ARHGAP32: variants seen among roughly 807,000 people sequenced by gnomAD.
ARHGAP32 encodes the protein Rho GTPase activating protein 32.
A neutral mutation model predicts 186.5 loss-of-function variants in ARHGAP32; 51 were observed. That is an observed-to-expected ratio of 0.27 (90% CI 0.22 to 0.35). The LOEUF (loss-of-function observed/expected upper bound fraction) is 0.35. Among genes scored for constraint, ARHGAP32 ranks in the 10% least tolerant of loss-of-function variants. ARHGAP32 has a pLI of 1.00. For synonymous variants in ARHGAP32, 950 were observed against 964.3 expected (o/e 0.99, Z 0.27); for missense variants, 2,186 against 2,623.5 (o/e 0.83, Z 3.64).
At chr11:129,138,432 T>C (rs1942983560) in intron 2 of ARHGAP32, among the ~76,000 whole-genome samples, 1 of 152,100 alleles carries the variant, frequency 6.6e-6, no homozygotes, top group Non-Finnish European at 1.5e-5. Context: ...AAAATACAAT[T>C]TGATATGGAA....
chr11:129,037,527 TA>T (rs1285801372), intron 11 of ARHGAP32, among the ~76,000 whole-genome samples: 2 of 151,840 alleles, frequency 1.3e-5, no homozygotes, highest in Admixed American at 6.6e-5. Flanking sequence ...AAAGAATATC[TA>T]AATAAATGAA....
chr11:129,092,874 C>G (rs75476828), intron 6 of ARHGAP32, among the ~76,000 whole-genome samples: 5,284 of 151,980 alleles, frequency 0.035, 301 homozygotes, highest in African/African-American at 0.12. Context: ...CTCCTAAATG[C>G]TTTCTTTACA....
chr11:128,973,777 G>T, intron 21 of ARHGAP32: 1 of 506,906 alleles, frequency 2.0e-6, no homozygotes, highest in Non-Finnish European at 3.4e-6. Flanking sequence ...ACATTTGATG[G>T]TGTAGCTGGC....
intron 1 of ARHGAP32, among the ~76,000 whole-genome samples, chr11:129,216,669 T>TAAAAAA (rs201308944): frequency 4.2e-4 from 50 of 119,084 alleles, no homozygotes; most frequent in African/African-American, 1.4e-3. Context: ...AGACTGTCTT[T>TAAAAAA]AAAAAAAAAA....
At chr11:129,221,259 A>C (rs898848741) in intron 1 of ARHGAP32, among the ~76,000 whole-genome samples, 2 of 152,186 alleles carry the variant, frequency 1.3e-5, no homozygotes, top group African/African-American at 4.8e-5. Context: ...TCTAGCAAAG[A>C]CAATAATAAG....
intron 5 of ARHGAP32, among the ~76,000 whole-genome samples, chr11:129,103,260 T>G (rs1035002623): frequency 6.6e-6 from 1 of 151,914 alleles, no homozygotes; most frequent in Non-Finnish European, 1.5e-5. Flanking sequence ...ATGCGAAAAA[T>G]GATTTTTTGT....
intron 2 of ARHGAP32, among the ~76,000 whole-genome samples, chr11:129,131,135 T>C (rs987960418): frequency 6.6e-6 from 1 of 152,042 alleles, no homozygotes; most frequent in Non-Finnish European, 1.5e-5. Context: ...GGTAAAATTA[T>C]TCATAGAAAT....
At chr11:129,126,832 T>C (rs187293102) in intron 2 of ARHGAP32, among the ~76,000 whole-genome samples, 6 of 152,218 alleles carry the variant, frequency 3.9e-5, no homozygotes, top group East Asian at 1.9e-4. Flanking sequence ...CTGGATCACC[T>C]GGTTTTGCCA....
chr11:129,008,130 T>C (rs1937883055), intron 11 of ARHGAP32, among the ~76,000 whole-genome samples: 1 of 152,092 alleles, frequency 6.6e-6, no homozygotes. Context: ...TTTAAGACTG[T>C]TTTTCTTACC....
At chr11:129,036,620 T>C (rs1447218016) in intron 11 of ARHGAP32, among the ~76,000 whole-genome samples, 1 of 152,148 alleles carries the variant, frequency 6.6e-6, no homozygotes, top group Non-Finnish European at 1.5e-5. Flanking sequence ...TTCAAAATAA[T>C]GACCATAAAA....
chr11:129,191,982 A>G (rs1944279535), intron 1 of ARHGAP32, 101 bp downstream of exon 1: 6 of 863,800 alleles, frequency 6.9e-6, no homozygotes, highest in Non-Finnish European at 1.9e-6. Flanking sequence ...CAGAAAACAG[A>G]AAGTCTTATT....
chr11:129,150,115 A>G (rs1039187387), intron 2 of ARHGAP32, among the ~76,000 whole-genome samples: 8 of 101,194 alleles, frequency 7.9e-5, no homozygotes, highest in Admixed American at 7.5e-4. Flanking sequence ...TGACAAAGAC[A>G]AAAAAAAAAA....
intron 2 of ARHGAP32, among the ~76,000 whole-genome samples, chr11:129,147,179 C>T (rs1408573820): frequency 1.3e-5 from 2 of 151,994 alleles, no homozygotes; most frequent in East Asian, 1.9e-4. Context: ...GGAGCTTACA[C>T]ATAAAGAAAT....
At chr11:129,211,649 A>G (rs1005344424) in intron 1 of ARHGAP32, among the ~76,000 whole-genome samples, 7 of 152,174 alleles carry the variant, frequency 4.6e-5, no homozygotes, top group Admixed American at 2.6e-4. Flanking sequence ...ACTTAAAGAA[A>G]ATACAGGTTC....
intron 1 of ARHGAP32, among the ~76,000 whole-genome samples, chr11:129,202,103 T>C (rs1407792761): frequency 1.3e-5 from 2 of 152,058 alleles, no homozygotes; most frequent in Non-Finnish European, 2.9e-5. Flanking sequence ...CACATATATA[T>C]ACTGGTAATA....
chr11:129,097,000 G>A (rs902922549), intron 5 of ARHGAP32, among the ~76,000 whole-genome samples: 1 of 151,890 alleles, frequency 6.6e-6, no homozygotes, highest in Non-Finnish European at 1.5e-5. Context: ...GCACAGAGAC[G>A]GACAAGAACA....
intron 12 of ARHGAP32, among the ~76,000 whole-genome samples, chr11:128,989,885 T>A (rs1215722969): frequency 6.6e-6 from 1 of 152,186 alleles, no homozygotes; most frequent in Non-Finnish European, 1.5e-5. Flanking sequence ...GCAAAGGACA[T>A]GAACTCATCC....
At chr11:129,076,185 T>C (rs1941038225) in intron 6 of ARHGAP32, among the ~76,000 whole-genome samples, 1 of 152,206 alleles carries the variant, frequency 6.6e-6, no homozygotes, top group Non-Finnish European at 1.5e-5. Context: ...AAACCCTCAG[T>C]TCTGGGAACT....
intron 11 of ARHGAP32, among the ~76,000 whole-genome samples, chr11:129,007,721 G>C (rs1292447348): frequency 6.6e-6 from 1 of 152,170 alleles, no homozygotes; most frequent in East Asian, 1.9e-4. Flanking sequence ...TAGCCACCCT[G>C]GCTGGTGTCT....
Sources: allele counts gnomAD v4.1 joint callset (sites outside exome capture counted in the v4.1 genomes callset), GRCh38; gene constraint gnomAD v4.1.1; transcripts MANE v1.5; gene names NCBI Gene and HGNC (gene_info 2026-07-23, HGNC 2026-07-21).